The following SHC3 variants were observed in gnomAD, a reference collection of about 807,000 sequenced individuals.
SHC3 encodes the protein SHC adaptor protein 3, also known as SHC-transforming protein 3.
In SHC3, 15 loss-of-function variants were observed where a neutral mutation model predicts 60.4. The observed-to-expected ratio is 0.25, with a 90% confidence interval of 0.17 to 0.38. SHC3 has a LOEUF of 0.38. SHC3 is among the 10% of genes least tolerant of loss of function. The pLI, the probability that SHC3 is intolerant of heterozygous loss-of-function variation, is 1.00. For synonymous variants in SHC3, 294 were observed against 325.9 expected, an observed-to-expected ratio of 0.90 and a Z score of 1.05; for missense variants, 677 against 786.1, an observed-to-expected ratio of 0.86 and a Z score of 1.66.
intron 1 of SHC3, among the ~76,000 whole-genome samples, chr9:89,114,415 C>G (rs1362001657): frequency 1.3e-5 from 2 of 151,628 alleles, no homozygotes; most frequent in Admixed American, 1.3e-4. Flanking sequence ...ACAGATTCAA[C>G]AAACTGTGGA....
chr9:89,137,115 TC>T (rs1159279371), intron 1 of SHC3, among the ~76,000 whole-genome samples: 1 of 151,914 alleles, frequency 6.6e-6, no homozygotes, highest in Non-Finnish European at 1.5e-5. Flanking sequence ...AAAGGGAAAA[TC>T]CACCTCCAGG....
intron 1 of SHC3, among the ~76,000 whole-genome samples, chr9:89,148,220 T>C (rs1432393641): frequency 6.6e-6 from 1 of 152,224 alleles, no homozygotes; most frequent in Non-Finnish European, 1.5e-5. Flanking sequence ...CAGTCTGGAA[T>C]TTCGATATTT....
rs1044043091 is a variant in SHC3, at chr9:89,010,875, G to C, written c.*2572C>G. ...GGGCTCACGAAATGCTGAGTGAGCA[G>C]AAGAGCTCTGCAGCCAGATGACAAC... On this transcript the variant is annotated 3_prime_UTR_variant, in exon 12 of 12. Coordinates refer to ENST00000375835, the MANE Select transcript of SHC3 (RefSeq NM_016848.6). 2 of 152,300 alleles carry C rather than the reference G, an allele frequency of 1.3e-5. No homozygotes were observed. The highest frequency in any genetic ancestry group is 4.8e-5 in the African/African-American group (2 of 41,474). 9.4% of individuals were successfully genotyped at this position (152,300 alleles called of 1,614,324 possible). A position where few individuals can be genotyped will look rare whatever the true frequency, so the allele number is the denominator to read the frequency against.
intron 1 of SHC3, among the ~76,000 whole-genome samples, chr9:89,118,220 A>AT (rs370492467): frequency 0.13 from 17,369 of 130,364 alleles, 1,136 homozygotes; most frequent in Middle Eastern, 0.19. Flanking sequence ...GTCTCTACCT[A>AT]TTTTTTTTTT....
Position 89,035,858 on chromosome 9 carries a change from T to TATATATATA in SHC3, c.1656+2134_1656+2135insTATATATAT, listed in dbSNP as rs1227111803. On this transcript the variant is annotated intron_variant, in intron 11 of 11. Coordinates refer to ENST00000375835, the MANE Select transcript of SHC3 (RefSeq NM_016848.6). ...ATATATATATATATATAGATGTGTGTGTGTGTGTGTGTGTGTGTGTGTGTG... is the reference window on the plus strand; with the variant it reads ...ATATATATATATATATAGATGTGTGTATATATATAGTGTGTGTGTGTGTGTGTGTGTGTG... 4.8e-4 allele frequency among the ~76,000 whole-genome samples: 43 copies of TATATATATA among 88,724 alleles called. 1 individual carries two copies. The highest frequency in any genetic ancestry group is 8.6e-4 in the Admixed American group (8 of 9,266). 58.2% of individuals were successfully genotyped at this position (88,724 alleles called of 152,430 possible).
chr9:89,140,747 C>A (rs977701567), intron 1 of SHC3, among the ~76,000 whole-genome samples: 1 of 152,052 alleles, frequency 6.6e-6, no homozygotes, highest in Non-Finnish European at 1.5e-5. Flanking sequence ...AAACAGGGTC[C>A]GTGGCACTTC....
At chr9:89,047,102 G>C in intron 7 of SHC3, 108 bp from the exon 8 acceptor site, 1 of 1,140,758 alleles carries the variant, frequency 8.8e-7, no homozygotes, top group Non-Finnish European at 1.2e-6. Flanking sequence ...TTTAGTCAGT[G>C]CCTCCTCAGC....
chr9:89,045,579 C>T (rs560146142), intron 9 of SHC3, among the ~76,000 whole-genome samples, 167 bp downstream of exon 9: 9 of 152,250 alleles, frequency 5.9e-5, no homozygotes, highest in African/African-American at 1.7e-4. Flanking sequence ...CTGACCACAC[C>T]GTTGCTTCTA....
chr9:89,057,593 A>C (rs1311554782), intron 6 of SHC3, among the ~76,000 whole-genome samples: 1 of 152,134 alleles, frequency 6.6e-6, no homozygotes, highest in Non-Finnish European at 1.5e-5. Context: ...TTTGGCCTCC[A>C]GGTACATAGC....
intron 1 of SHC3, among the ~76,000 whole-genome samples, chr9:89,145,800 A>G (rs1826460205): frequency 6.6e-6 from 1 of 152,260 alleles, no homozygotes; most frequent in African/African-American, 2.4e-5. Context: ...TTAGTATTAG[A>G]TAAAGTAAGA....
At chr9:89,140,499 C>T (rs1826378069) in intron 1 of SHC3, among the ~76,000 whole-genome samples, 2 of 152,140 alleles carry the variant, frequency 1.3e-5, no homozygotes, top group South Asian at 4.1e-4. Flanking sequence ...GTTTCTTATC[C>T]AAGCATGCAC....
chr9:89,175,091 T>G (rs1405923157), intron 1 of SHC3, among the ~76,000 whole-genome samples: 3 of 152,268 alleles, frequency 2.0e-5, no homozygotes, highest in African/African-American at 7.2e-5. Context: ...AAATGGAAAT[T>G]TAATGAAAAT....
At chr9:89,055,260 C>A (rs1179604916) in intron 6 of SHC3, among the ~76,000 whole-genome samples, 1 of 152,260 alleles carries the variant, frequency 6.6e-6, no homozygotes, top group Admixed American at 6.5e-5. Flanking sequence ...CCCAAATAAG[C>A]CCAGAGGCTA....
intron 1 of SHC3, among the ~76,000 whole-genome samples, chr9:89,142,897 G>C (rs1161472523): frequency 6.6e-6 from 1 of 152,000 alleles, no homozygotes; most frequent in Non-Finnish European, 1.5e-5. Flanking sequence ...GATGTTACCG[G>C]ACCCCACCAC....
At chr9:89,147,176 T>TA (rs887070449) in intron 1 of SHC3, among the ~76,000 whole-genome samples, 1 of 138,136 alleles carries the variant, frequency 7.2e-6, no homozygotes, top group South Asian at 2.3e-4. Context: ...AAAAAAAAAT[T>TA]AAAAAAAAAA....
intron 1 of SHC3, among the ~76,000 whole-genome samples, chr9:89,155,236 G>A (rs1326593643): frequency 1.3e-5 from 2 of 152,060 alleles, no homozygotes; most frequent in Admixed American, 6.5e-5. Context: ...CTCAATACAA[G>A]CCTCCATTTC....
At chr9:89,120,366 T>C (rs1166611382) in intron 1 of SHC3, among the ~76,000 whole-genome samples, 2 of 152,086 alleles carry the variant, frequency 1.3e-5, no homozygotes, top group African/African-American at 4.8e-5. Flanking sequence ...CTGTGAGTCA[T>C]TAAGTCAGCC....
At chr9:89,095,675 C>T (rs1026927270) in intron 2 of SHC3, among the ~76,000 whole-genome samples, 2 of 152,026 alleles carry the variant, frequency 1.3e-5, no homozygotes, top group Admixed American at 6.6e-5. Context: ...CCATTATTCC[C>T]GGGAAAGCCA....
intron 6 of SHC3, among the ~76,000 whole-genome samples, chr9:89,060,699 G>A (rs988839525): frequency 1.3e-5 from 2 of 152,040 alleles, no homozygotes; most frequent in African/African-American, 4.8e-5. Context: ...AGCAGAGAAG[G>A]AACAAGATTG....
Sources: allele counts gnomAD v4.1 joint callset (sites outside exome capture counted in the v4.1 genomes callset), GRCh38; gene constraint gnomAD v4.1.1; transcripts MANE v1.5; gene names NCBI Gene and HGNC (gene_info 2026-07-23, HGNC 2026-07-21).